The following KLF12 variants were observed in gnomAD, a reference collection of about 807,000 sequenced individuals.
KLF12 encodes Krueppel-like factor 12.
Under a neutral mutation model 37.8 loss-of-function variants are expected in KLF12, and 9 were observed. The ratio of observed to expected loss-of-function variants is 0.24; its 90% CI spans 0.14 to 0.42. The LOEUF (loss-of-function observed/expected upper bound fraction) is 0.42, where lower values mean the gene tolerates loss of function less well. Ranked by LOEUF, KLF12 falls within the 10% of genes least tolerant of loss-of-function variation. The probability of loss-of-function intolerance (pLI) is 1.00; values close to 1 mark genes in which losing one functional copy is unlikely to be tolerated. For synonymous variants in KLF12, 208 were observed against 202.1 expected (o/e 1.03, Z -0.25); for missense variants, 411 against 516.0 (o/e 0.80, Z 1.97).
chr13:74,187,971 C>T, the KLF12 span, among the ~76,000 whole-genome samples: 2 of 152,124 alleles, frequency 1.3e-5, no homozygotes, highest in African/African-American at 4.8e-5. Flanking sequence ...TTTCAATGAC[C>T]AGGCCTTACT....
intron 3 of KLF12, among the ~76,000 whole-genome samples, chr13:73,848,720 C>G (rs547050807): frequency 6.6e-6 from 1 of 151,960 alleles, no homozygotes; most frequent in East Asian, 1.9e-4. Flanking sequence ...AATTACATGG[C>G]TTTTGCATGA....
chr13:73,700,743 CA>C (rs1874495022), intron 7 of KLF12, among the ~76,000 whole-genome samples: 2 of 151,648 alleles, frequency 1.3e-5, no homozygotes, highest in Admixed American at 6.6e-5. Context: ...TTAAAAAAAA[CA>C]AAACAAAACA....
intron 7 of KLF12, among the ~76,000 whole-genome samples, chr13:73,712,112 G>C (rs1403864165): frequency 1.3e-5 from 2 of 152,156 alleles, no homozygotes; most frequent in Non-Finnish European, 2.9e-5. Flanking sequence ...GCTGAGGTGG[G>C]CAGATCACCT....
the KLF12 span, among the ~76,000 whole-genome samples, chr13:74,256,688 T>TGTGTGTG: frequency 8.8e-5 from 13 of 147,906 alleles, no homozygotes; most frequent in African/African-American, 3.2e-4. Context: ...TGAGTAGAGC[T>TGTGTGTG]TGTGTGTGTG....
intron 5 of KLF12, among the ~76,000 whole-genome samples, chr13:73,787,742 T>C (rs772062926): frequency 5.3e-5 from 8 of 152,192 alleles, no homozygotes; most frequent in Non-Finnish European, 8.8e-5. Flanking sequence ...TTCTCGAAGA[T>C]ACAATGATTT....
Position 73,712,252 on chromosome 13 carries a change from C to G in KLF12, c.1027+3116G>C, listed in dbSNP as rs529077639. ...ACTTGGGAGGCTGAGGCAGGAGACT[C>G]ACTTGAAACTGGGAGGCGGAGGCTG... On this transcript the variant is annotated intron_variant, in intron 7 of 7. Coordinates refer to ENST00000377669, the MANE Select transcript of KLF12 (RefSeq NM_007249.5). Among the ~76,000 whole-genome samples the G allele has an allele frequency of 1.8e-4, 26 of 148,354 alleles. No individual in the cohort carries two copies. The East Asian group carries it at 5.2e-3, about 30-fold the overall frequency.
chr13:73,961,960 T>G (rs1484414610), intron 2 of KLF12: 2 of 451,332 alleles, frequency 4.4e-6, no homozygotes, highest in African/African-American at 4.0e-5. Context: ...AATATATTCT[T>G]ACCATAAGAT....
intron 1 of KLF12, among the ~76,000 whole-genome samples, chr13:74,100,923 C>A (rs554049370): frequency 1.3e-5 from 2 of 152,192 alleles, no homozygotes; most frequent in African/African-American, 4.8e-5. Context: ...GAGAAAAGTT[C>A]TTTCAAAAGA....
intron 1 of KLF12, among the ~76,000 whole-genome samples, chr13:74,071,581 T>G: frequency 6.6e-6 from 1 of 151,946 alleles, no homozygotes; most frequent in East Asian, 1.9e-4. Flanking sequence ...TAGTCCCAGC[T>G]ACTCGGGAGG....
chr13:73,804,659 G>A (rs1186447589), intron 5 of KLF12, among the ~76,000 whole-genome samples: 2 of 151,990 alleles, frequency 1.3e-5, no homozygotes, highest in Non-Finnish European at 2.9e-5. Flanking sequence ...AGCTTTTTCT[G>A]ACCTCCTTCA....
At chr13:73,756,626 AG>A (rs1879185487) in intron 6 of KLF12, among the ~76,000 whole-genome samples, 3 of 152,310 alleles carry the variant, frequency 2.0e-5, no homozygotes, top group Admixed American at 2.0e-4. Flanking sequence ...GGTAATTTAA[AG>A]GTAGGGCAAA....
chr13:74,045,030 T>C (rs1398449134), intron 1 of KLF12, among the ~76,000 whole-genome samples: 1 of 152,192 alleles, frequency 6.6e-6, no homozygotes, highest in Non-Finnish European at 1.5e-5. Context: ...ACAAATCTCC[T>C]AAGCAGAATA....
At chr13:73,932,028 A>T (rs1349279550) in intron 3 of KLF12, among the ~76,000 whole-genome samples, 1 of 145,362 alleles carries the variant, frequency 6.9e-6, no homozygotes, top group Non-Finnish European at 1.5e-5. Flanking sequence ...AACCACAGTT[A>T]AAAAAAAAAA....
intron 3 of KLF12, among the ~76,000 whole-genome samples, chr13:73,871,997 G>C (rs1444953152): frequency 6.6e-6 from 1 of 152,122 alleles, no homozygotes; most frequent in Non-Finnish European, 1.5e-5. Flanking sequence ...TGTGGAGTTC[G>C]TGGAAGTGAT....
At chr13:74,058,742 G>C (rs1374645983) in intron 1 of KLF12, among the ~76,000 whole-genome samples, 3 of 152,160 alleles carry the variant, frequency 2.0e-5, no homozygotes, top group Non-Finnish European at 2.9e-5. Flanking sequence ...TAAAGTATAA[G>C]ATGATCATGA....
intron 1 of KLF12, among the ~76,000 whole-genome samples, chr13:74,064,766 A>G (rs1410007165): frequency 1.3e-5 from 2 of 152,188 alleles, no homozygotes; most frequent in Non-Finnish European, 2.9e-5. Flanking sequence ...TTAGACCATA[A>G]AGGACCTTAG....
chr13:73,829,194 C>T (rs1331009140), intron 4 of KLF12, among the ~76,000 whole-genome samples: 1 of 152,102 alleles, frequency 6.6e-6, no homozygotes, highest in Non-Finnish European at 1.5e-5. Flanking sequence ...GTATTAATCA[C>T]ATGAATAAGT....
chr13:74,135,288 G>A (rs1401852306), upstream of KLF12, among the ~76,000 whole-genome samples: 1 of 151,944 alleles, frequency 6.6e-6, no homozygotes. Context: ...CTGGGGCAGA[G>A]GAAGCGGGAT....
chr13:74,238,856 G>A, the KLF12 span, among the ~76,000 whole-genome samples: 1,024 of 151,830 alleles, frequency 6.7e-3, 11 homozygotes, highest in African/African-American at 0.023. Flanking sequence ...TCTTGCTAGC[G>A]GTCTGTCAAT....
Sources: gnomAD v4.1 joint callset for allele counts (sites outside exome capture counted in the v4.1 genomes callset) on GRCh38, gnomAD v4.1.1 for gene constraint, MANE v1.5 for transcripts, NCBI Gene and HGNC (gene_info 2026-07-23, HGNC 2026-07-21) for gene names.